ZSCAN32: variants seen among roughly 807,000 people sequenced by gnomAD.
ZSCAN32 encodes zinc finger and SCAN domain-containing protein 32.
Under a neutral mutation model 47.4 loss-of-function variants are expected in ZSCAN32, and 52 were observed. The ratio of observed to expected loss-of-function variants is 1.10; its 90% confidence interval spans 0.88 to 1.38. The LOEUF (loss-of-function observed/expected upper bound fraction) is 1.38, where lower values mean the gene tolerates loss of function less well. ZSCAN32 is among the 40% of genes most tolerant of loss of function. The probability of loss-of-function intolerance (pLI) is 0.00; values close to 1 mark genes in which losing one functional copy is unlikely to be tolerated. For synonymous variants in ZSCAN32, 346 were observed against 305.7 expected (o/e 1.13, Z -1.38); for missense variants, 959 against 846.0 (o/e 1.13, Z -1.66).
chr16:3,397,510 C>T lies in ZSCAN32; in HGVS notation c.48G>A (p.Lys16=). The change falls in exon 2 of 7, where the codon AAG becomes AAA. Residue 16 remains lysine, a synonymous_variant. Transcript: ENST00000396852. ...KSTEAHPSSN[K]DPTQGQKSAL... Reference sequence around the variant, plus strand: ...CTGATTTCTGGCCCTGTGTGGGATCCTTGTTTGAGGATGGGTGTGCCTCGG... The same window carrying T: ...CTGATTTCTGGCCCTGTGTGGGATCTTTGTTTGAGGATGGGTGTGCCTCGG... 1 of 1,550,002 alleles carries T rather than the reference C, an allele frequency of 6.5e-7. No individual in the cohort carries two copies. The highest frequency in any genetic ancestry group is 1.4e-5 in the African/African-American group (1 of 73,136).
intron 1 of ZSCAN32, 36 bp from the exon 2 acceptor site, chr16:3,397,780 A>T: frequency 2.0e-6 from 1 of 489,698 alleles, no homozygotes; most frequent in South Asian, 3.3e-5. Flanking sequence ...TAAACCTATC[A>T]AACATTCCTT....
At chr16:3,385,928 G>A (rs1300307617) in intron 5 of ZSCAN32, among the ~76,000 whole-genome samples, 3 of 152,262 alleles carry the variant, frequency 2.0e-5, no homozygotes, top group African/African-American at 4.8e-5. Context: ...GGCAACCAAA[G>A]CCAAAATTGA....
chr16:3,400,189 A>G (rs927431519), intron 1 of ZSCAN32, among the ~76,000 whole-genome samples: 1 of 152,212 alleles, frequency 6.6e-6, no homozygotes, highest in African/African-American at 2.4e-5. Flanking sequence ...CCTTCACTTA[A>G]ATTCTCTTTA....
At position 3,392,623 on chromosome 16, in the gene ZSCAN32, C is replaced by T. The variant is rs899886515; in HGVS notation, c.532+1026G>A. On this transcript the variant is annotated intron_variant, in intron 3 of 6. Transcript: ENST00000396852. ...CAGGTGGATCACGAGGTCAGGAGAT[C>T]GAGACCATCCTGGCTAACACGATGA... Among the ~76,000 whole-genome samples, 13 of 152,144 alleles carry T rather than the reference C, an allele frequency of 8.5e-5. No individual in the cohort carries two copies. The East Asian group carries it at 1.4e-3, about 16-fold the overall frequency.
rs2031552387 is a variant in ZSCAN32 at position 3,383,677 on chromosome 16, ATT to A, written c.1267_1268del (p.Asn423SerfsTer5). On this transcript the variant is annotated frameshift_variant, in exon 7 of 7. Transcript: ENST00000396852. LOFTEE classifies it low-confidence loss of function (END_TRUNC). ...FEFKNEIKKE[N>X]LKWDDSEEVE... ...CTTCCTCTGAATCATCCCATTTTAG[ATT>A]TTCTTTTTTAATCTCGTTCTTGAAC... 6.3e-7 allele frequency: 1 copy of A among 1,591,118 alleles called. No homozygotes were observed. The highest frequency in any genetic ancestry group is 1.4e-5 in the African/African-American group (1 of 73,468).
At position 3,393,194 on chromosome 16, in the gene ZSCAN32, ATATATATTTATATTT is replaced by A. The variant is rs2032941190; in HGVS notation, c.532+440_532+454del. Among the ~76,000 whole-genome samples, 2 of 23,658 alleles carry A rather than the reference ATATATATTTATATTT, an allele frequency of 8.5e-5. 1 individual carries two copies. Among genetic ancestry groups the A allele is most frequent in the African/African-American group, 7.2e-4 (2 of 2,786 alleles). The allele number at this position is 23,658 out of a possible 152,430, so 15.5% of individuals were successfully genotyped here. The stretch of plus-strand genomic sequence containing the variant: ...TCTATATATATATTTCTATATTTAT[ATATATATTTATATTT>A]ATATATATATATATATATAAATTTA... On this transcript the variant is annotated intron_variant, in intron 3 of 6. Coordinates refer to ENST00000396852, the MANE Select transcript of ZSCAN32 (RefSeq NM_001284527.2).
At chr16:3,389,120 C>T (rs1447492816) in intron 5 of ZSCAN32, among the ~76,000 whole-genome samples, 1 of 152,170 alleles carries the variant, frequency 6.6e-6, no homozygotes, top group Non-Finnish European at 1.5e-5. Flanking sequence ...AGACACTATA[C>T]TCTCCTGCAA....
In ZSCAN32 at chr16:3,393,256, T is replaced by TATA. The variant is rs1195714476; in HGVS notation, c.532+392_532+393insTAT. Reference sequence around the variant, plus strand: ...TTTATATATTTTATATATATATATATTTTTTGTTTTCTTTGAGACAGCCCA... The same window carrying TATA: ...TTTATATATTTTATATATATATATATATATTTTTGTTTTCTTTGAGACAGCCCA... On this transcript the variant is annotated intron_variant, in intron 3 of 6. Coordinates refer to ENST00000396852, the MANE Select transcript of ZSCAN32 (RefSeq NM_001284527.2). 4.3e-3 allele frequency among the ~76,000 whole-genome samples: 59 copies of TATA among 13,856 alleles called. 10 individuals are homozygous for TATA. Among genetic ancestry groups the TATA allele is most frequent in the African/African-American group, 0.025 (57 of 2,282 alleles). The allele number at this position is 13,856 out of a possible 152,430, so 9.1% of individuals were successfully genotyped here.
chr16:3,398,042 T>A (rs1204577245), intron 1 of ZSCAN32, among the ~76,000 whole-genome samples: 1 of 152,234 alleles, frequency 6.6e-6, no homozygotes, highest in Non-Finnish European at 1.5e-5. Flanking sequence ...AAATTTAGTT[T>A]ATAGTTTGAA....
chr16:3,384,929 G>T lies in ZSCAN32; in HGVS notation c.764C>A (p.Pro255His). The change falls in exon 6 of 7, where the codon CCC (proline) becomes CAC (histidine). Residue 255 changes from proline to histidine, a missense_variant. Transcript: ENST00000396852. ...DSHVSLATGV[P>H]WGYEETKTLL... ...CGTCTTGGTCTCTTCATAGCCCCAG[G>T]GCACACCTGTTGCTGGGGGACAAAG... The T allele has an allele frequency of 6.2e-7, 1 of 1,611,930 alleles. No homozygotes were observed. The highest frequency in any genetic ancestry group is 8.5e-7 in the Non-Finnish European group (1 of 1,179,310).
At chr16:3,393,572 G>T in intron 3 of ZSCAN32, 77 bp downstream of exon 3, 2 of 1,366,658 alleles carry the variant, frequency 1.5e-6, no homozygotes, top group South Asian at 1.7e-5. Context: ...CCCTTGGGTG[G>T]ACTCAGTTCA....
At chr16:3,398,345 C>G (rs2033571417) in intron 1 of ZSCAN32, among the ~76,000 whole-genome samples, 3 of 152,136 alleles carry the variant, frequency 2.0e-5, no homozygotes, top group African/African-American at 4.8e-5. Flanking sequence ...CACACAAAAA[C>G]CGTTTTCCAC....
intron 2 of ZSCAN32, among the ~76,000 whole-genome samples, chr16:3,395,243 A>T (rs751845851): frequency 6.6e-6 from 1 of 152,042 alleles, no homozygotes; most frequent in Non-Finnish European, 1.5e-5. Context: ...AATTATATCA[A>T]CCTCTATTAC....
At position 3,397,280 on chromosome 16, in the gene ZSCAN32, A is replaced by G; in HGVS notation, c.278T>C (p.Ile93Thr). Reference protein sequence around the residue: ...EQFLTILPEEIQTWVREQHPE... With the variant: ...EQFLTILPEETQTWVREQHPE... ...ATGCTGCTCCCTCACCCAGGTCTGG[A>G]TCTCCTCTGGCAAGATAGTCAGAAA... The change falls in exon 2 of 7, where the codon ATC becomes ACC. Residue 93 changes from isoleucine (I) to threonine (T), a missense_variant. By Grantham distance (89) the Ile-to-Thr change is moderately conservative. Transcript: ENST00000396852. 1 of 1,572,250 alleles carries G rather than the reference A, an allele frequency of 6.4e-7. No homozygotes were observed. The highest frequency in any genetic ancestry group is 2.3e-5 in the East Asian group (1 of 42,914).
At position 3,382,187 on chromosome 16, in the gene ZSCAN32, C is replaced by A. The variant is rs1467197919; in HGVS notation, c.*665G>T. Reference sequence around the variant, plus strand: ...ATCAGAAATAGTAATGTCTATAAACCACTTACTTTAAGAGACAATCAGGAA... The same window carrying A: ...ATCAGAAATAGTAATGTCTATAAACAACTTACTTTAAGAGACAATCAGGAA... On this transcript the variant is annotated 3_prime_UTR_variant, in exon 7 of 7. Transcript: ENST00000396852. 6.6e-6 allele frequency: 1 copy of A among 152,016 alleles called. No individual in the cohort carries two copies. The allele number at this position is 152,016 out of a possible 1,614,324, so 9.4% of individuals were successfully genotyped here. A position where few individuals can be genotyped will look rare whatever the true frequency, so the allele number is the denominator to read the frequency against.
intron 1 of ZSCAN32, among the ~76,000 whole-genome samples, chr16:3,398,262 T>C (rs1475521600): frequency 6.6e-6 from 1 of 152,162 alleles, no homozygotes; most frequent in Non-Finnish European, 1.5e-5. Context: ...TTCAGGCCTC[T>C]GCTTTCTGAC....
chr16:3,397,594 C>A lies in ZSCAN32; in HGVS notation c.-37G>T. Reference sequence around the variant, plus strand: ...AACTGGCTTACTCTGGTTGCCACTTCTACCCTGGAGATCAGAGTCCATCTT... The same window carrying A: ...AACTGGCTTACTCTGGTTGCCACTTATACCCTGGAGATCAGAGTCCATCTT... On this transcript the variant is annotated 5_prime_UTR_variant, in exon 2 of 7. The change creates a premature stop within an existing upstream ORF in the 5' untranslated region. Transcript: ENST00000396852. 4.0e-6 allele frequency: 6 copies of A among 1,481,506 alleles called. No individual in the cohort carries two copies. The highest frequency in any genetic ancestry group is 5.4e-6 in the Non-Finnish European group (6 of 1,111,858). 91.8% of individuals were successfully genotyped at this position (1,481,506 alleles called of 1,614,324 possible). A position where few individuals can be genotyped will look rare whatever the true frequency, so the allele number is the denominator to read the frequency against.
rs34104039 is a variant in ZSCAN32 at position 3,386,938 on chromosome 16, TAAA to T, written c.752-2000_752-1998del. Among the ~76,000 whole-genome samples, 632 of 141,148 alleles carry T rather than the reference TAAA, an allele frequency of 4.5e-3. 1 individual carries two copies. The highest frequency in any genetic ancestry group is 5.0e-3 in the Admixed American group (71 of 14,250). The allele number at this position is 141,148 out of a possible 152,430, so 92.6% of individuals were successfully genotyped here. On this transcript the variant is annotated intron_variant, in intron 5 of 6. Transcript: ENST00000396852. ...CACATGTACCTTAAAGCTTAAAGTA[TAAA>T]AAAAAAAAAAAAAAAAGTTACATCC...
In ZSCAN32 at chr16:3,382,694, A is replaced by C; in HGVS notation, c.*158T>G. On this transcript the variant is annotated 3_prime_UTR_variant, in exon 7 of 7. Transcript: ENST00000396852. Reference sequence around the variant, plus strand: ...GTCACAGGCACAGCCAGGAGAGGTCAGCGTCCTTATGCTGACTCCTGGTCC... The same window carrying C: ...GTCACAGGCACAGCCAGGAGAGGTCCGCGTCCTTATGCTGACTCCTGGTCC... The C allele has an allele frequency of 8.5e-7, 1 of 1,180,680 alleles. No homozygotes were observed. Among genetic ancestry groups the C allele is most frequent in the East Asian group, 2.5e-5 (1 of 40,066 alleles). The allele number at this position is 1,180,680 out of a possible 1,614,324, so 73.1% of individuals were successfully genotyped here. A position where few individuals can be genotyped will look rare whatever the true frequency, so the allele number is the denominator to read the frequency against.
Sources: gnomAD v4.1 joint callset for allele counts (sites outside exome capture counted in the v4.1 genomes callset) on GRCh38, gnomAD v4.1.1 for gene constraint, MANE v1.5 for transcripts, NCBI Gene and HGNC (gene_info 2026-07-23, HGNC 2026-07-21) for gene names.